Variants in STAMBP observed in about 807,000 individuals in gnomAD.
STAMBP encodes STAM binding protein.
STAMBP carries 31 observed loss-of-function variants against 50.7 expected under a neutral mutation model. That is an observed-to-expected ratio of 0.61 (90% CI 0.46 to 0.83). The LOEUF (loss-of-function observed/expected upper bound fraction) is 0.83, where lower values mean the gene tolerates loss of function less well. Ranked by LOEUF, STAMBP falls within the 40% of genes least tolerant of loss-of-function variation. STAMBP has a pLI of 0.00. For missense variants in STAMBP, 472 were observed against 518.9 expected, an observed-to-expected ratio of 0.91 and a Z score of 0.88; for synonymous variants, 211 against 192.4, an observed-to-expected ratio of 1.10 and a Z score of -0.80.
chr2:73,835,385 T>C (rs1674592783), intron 2 of STAMBP, among the ~76,000 whole-genome samples: 3 of 149,906 alleles, frequency 2.0e-5, no homozygotes, highest in Non-Finnish European at 4.4e-5. Context: ...ATGTCACTAA[T>C]GTTGCCCAGG....
intron 2 of STAMBP, among the ~76,000 whole-genome samples, chr2:73,842,737 C>CT (rs1377141960): frequency 2.0e-5 from 3 of 152,102 alleles, no homozygotes; most frequent in Non-Finnish European, 4.4e-5. Context: ...ACATTAAGGA[C>CT]TTACTGTGTA....
At chr2:73,861,954 A>G (rs1298607184) in intron 9 of STAMBP, among the ~76,000 whole-genome samples, 6 of 152,146 alleles carry the variant, frequency 3.9e-5, no homozygotes. Context: ...GCTGACCAAC[A>G]TGGCGAAACC....
At chr2:73,859,058 CAG>C (rs1387535390) in intron 7 of STAMBP, among the ~76,000 whole-genome samples, 194 bp from the exon 8 acceptor site, 3 of 152,184 alleles carry the variant, frequency 2.0e-5, no homozygotes, top group Non-Finnish European at 4.4e-5. Flanking sequence ...TATAATAAAA[CAG>C]AACAGTTATA....
chr2:73,846,815 C>G (rs1343193315), intron 4 of STAMBP, among the ~76,000 whole-genome samples: 2 of 152,066 alleles, frequency 1.3e-5, no homozygotes, highest in Non-Finnish European at 2.9e-5. Flanking sequence ...GACATTGTGG[C>G]TCACACCTGG....
rs1674423978 is a variant in STAMBP at position 73,834,239 on chromosome 2, ATATATATATATATATATATATATAT to A, written c.203+3181_203+3205del. On this transcript the variant is annotated intron_variant, in intron 2 of 9. Coordinates refer to ENST00000394070, the MANE Select transcript of STAMBP (RefSeq NM_213622.4). Reference sequence around the variant, plus strand: ...AAAAAAAAAAAAAAAAAAAAAAAATATATATATATATATATATATATATATATATATATATATATATATATATAAA... The same window carrying A: ...AAAAAAAAAAAAAAAAAAAAAAAATAATATATATATATATATATATATAAA... Among the ~76,000 whole-genome samples the A allele has an allele frequency of 2.2e-3, 35 of 15,580 alleles. 5 individuals carry two copies. The highest frequency in any genetic ancestry group is 0.056 in the Middle Eastern group (1 of 18). The allele number at this position is 15,580 out of a possible 152,430, so 10.2% of individuals were successfully genotyped here.
At chr2:73,834,290 G>T (rs145217724) in intron 2 of STAMBP, among the ~76,000 whole-genome samples, 58 of 79,298 alleles carry the variant, frequency 7.3e-4, no homozygotes, top group African/African-American at 1.4e-3. Context: ...TATATATAAA[G>T]TTTTTGACTC....
chr2:73,868,389 T>C (rs952752716), downstream of STAMBP, among the ~76,000 whole-genome samples: 63 of 152,206 alleles, frequency 4.1e-4, no homozygotes, highest in Admixed American at 1.2e-3. Context: ...AGCCCAGGTC[T>C]ACCTGACTCT....
intron 7 of STAMBP, among the ~76,000 whole-genome samples, chr2:73,854,649 T>A (rs979991309): frequency 6.6e-6 from 1 of 152,068 alleles, no homozygotes; most frequent in Non-Finnish European, 1.5e-5. Flanking sequence ...CTAGTTCAGC[T>A]TTTTTTCCTC....
intron 8 of STAMBP, 58 bp downstream of exon 8, chr2:73,859,424 C>T (rs1678013864): frequency 7.4e-7 from 1 of 1,353,976 alleles, no homozygotes; most frequent in Admixed American, 1.7e-5. Context: ...AAGAAAGCCT[C>T]AGGGGAAAAG....
At chr2:73,861,550 C>T (rs1014672684) in intron 9 of STAMBP, among the ~76,000 whole-genome samples, 6 of 152,036 alleles carry the variant, frequency 3.9e-5, no homozygotes, top group East Asian at 3.9e-4. Flanking sequence ...AACAGAGTCT[C>T]GCTCTGTTGC....
intron 9 of STAMBP, among the ~76,000 whole-genome samples, chr2:73,860,764 G>A (rs1185698799): frequency 6.6e-6 from 1 of 152,126 alleles, no homozygotes; most frequent in Non-Finnish European, 1.5e-5. Context: ...ATTACTCCAT[G>A]CTGGCCATGG....
chr2:73,835,210 C>T (rs560633527), intron 2 of STAMBP, among the ~76,000 whole-genome samples: 7 of 152,176 alleles, frequency 4.6e-5, no homozygotes, highest in South Asian at 2.1e-4. Context: ...AAAACTTAGC[C>T]GGGCGTGGTG....
chr2:73,835,963 A>C (rs915679924), intron 2 of STAMBP, among the ~76,000 whole-genome samples: 3 of 152,158 alleles, frequency 2.0e-5, no homozygotes, highest in Non-Finnish European at 2.9e-5. Context: ...TGAAGTCATG[A>C]GAATGGCTGA....
chr2:73,831,022 A>G lies in STAMBP; in HGVS notation c.166A>G (p.Ile56Val). 6.2e-7 allele frequency: 1 copy of G among 1,614,228 alleles called. No individual in the cohort carries two copies. ...ATCCATTTACTCTGAGGAAGGCAAC[A>G]TTGAACATGCCTTCATCCTCTATAA... ...MASIYSEEGNIEHAFILYNKY... is the reference protein window; with the variant it reads ...MASIYSEEGNVEHAFILYNKY... Residue 56 changes from isoleucine (I) to valine (V), a missense_variant, in exon 2 of 10, where the codon ATT (isoleucine) becomes GTT (valine). By Grantham distance (29) the Ile-to-Val change is conservative (BLOSUM62 3). Coordinates refer to ENST00000394070, the MANE Select transcript of STAMBP (RefSeq NM_213622.4).
chr2:73,834,279 A>G (rs1204584092), intron 2 of STAMBP, among the ~76,000 whole-genome samples: 1 of 91,226 alleles, frequency 1.1e-5, no homozygotes, highest in African/African-American at 4.6e-5. Context: ...ATATATATAT[A>G]TATATATAAA....
rs185689204 is a variant in STAMBP at position 73,842,564 on chromosome 2, G to A, written c.204-2249G>A. Among the ~76,000 whole-genome samples, 9 of 152,298 alleles carry A rather than the reference G, an allele frequency of 5.9e-5. No homozygotes were observed. The East Asian group carries it at 1.7e-3, about 29-fold the overall frequency. On this transcript the variant is annotated intron_variant, in intron 2 of 9. Transcript: ENST00000394070. ...ATGTATAGCTCATATTTATTTCAGT[G>A]TTTAATATTAGAAGTGTTTTGGTCT...
At chr2:73,833,800 C>T (rs1674246749) in intron 2 of STAMBP, among the ~76,000 whole-genome samples, 1 of 152,096 alleles carries the variant, frequency 6.6e-6, no homozygotes, top group Non-Finnish European at 1.5e-5. Context: ...TAAAATGGCC[C>T]CTGTCCTTAT....
chr2:73,849,307 C>T, intron 5 of STAMBP, 56 bp from the exon 6 acceptor site: 1 of 1,610,730 alleles, frequency 6.2e-7, no homozygotes, highest in Non-Finnish European at 8.5e-7. Context: ...GCTGTGAGGT[C>T]TGCTTGAGGA....
chr2:73,851,978 G>T (rs1404132972), intron 7 of STAMBP, among the ~76,000 whole-genome samples: 2 of 152,154 alleles, frequency 1.3e-5, no homozygotes, highest in East Asian at 3.8e-4. Context: ...CCGAGTTCTG[G>T]AGGGTCTGGG....
Sources: gnomAD v4.1 joint callset for allele counts (sites outside exome capture counted in the v4.1 genomes callset) on GRCh38, gnomAD v4.1.1 for gene constraint, MANE v1.5 for transcripts, NCBI Gene and HGNC (gene_info 2026-07-23, HGNC 2026-07-21) for gene names.